KCNIP1: variants seen among roughly 807,000 people sequenced by gnomAD.
KCNIP1 encodes potassium voltage-gated channel interacting protein 1.
Under a neutral mutation model 33.0 loss-of-function variants are expected in KCNIP1, and 18 were observed. That is an observed-to-expected ratio of 0.55 (90% CI 0.38 to 0.81). KCNIP1 has a LOEUF of 0.81. KCNIP1 is among the 30% of genes least tolerant of loss of function. The pLI, the probability that KCNIP1 is intolerant of heterozygous loss-of-function variation, is 0.00. For synonymous variants in KCNIP1, 93 were observed against 98.3 expected (o/e 0.95, Z 0.32); for missense variants, 238 against 271.6 (o/e 0.88, Z 0.87).
intron 1 of KCNIP1, among the ~76,000 whole-genome samples, chr5:170,709,555 G>C (rs181795501): frequency 1.3e-5 from 2 of 151,968 alleles, no homozygotes; most frequent in Admixed American, 6.6e-5. Flanking sequence ...ATTTAATCAG[G>C]GTTTGGTTTA....
chr5:170,452,285 G>A (rs527370304), intron 1 of KCNIP1, among the ~76,000 whole-genome samples: 2 of 152,288 alleles, frequency 1.3e-5, no homozygotes, highest in South Asian at 2.1e-4. Context: ...CTCCTTCTTC[G>A]AAAACTCAGA....
intron 1 of KCNIP1, among the ~76,000 whole-genome samples, chr5:170,365,643 C>T (rs1236507911): frequency 6.6e-6 from 1 of 152,216 alleles, no homozygotes; most frequent in Admixed American, 6.5e-5. Context: ...GCTGCAGACG[C>T]AGCTGGCTTC....
At chr5:170,500,740 ATGTG>A (rs1758713611), upstream of KCNIP1, among the ~76,000 whole-genome samples, 1 of 152,120 alleles carries the variant, frequency 6.6e-6, no homozygotes, top group Non-Finnish European at 1.5e-5. Flanking sequence ...GCACGTGCGT[ATGTG>A]TGTGTATTTA....
chr5:170,526,957 A>G (rs915160237), intron 1 of KCNIP1, among the ~76,000 whole-genome samples: 2 of 152,046 alleles, frequency 1.3e-5, no homozygotes, highest in African/African-American at 4.8e-5. Context: ...TCCTGACCTC[A>G]GGTGATCTGC....
Position 170,718,678 on chromosome 5 carries a change from T to C in KCNIP1, c.62-80T>C. 2.5e-6 allele frequency: 4 copies of C among 1,568,730 alleles called. 1 individual carries two copies. The South Asian group carries it at 4.6e-5, about 18-fold the overall frequency. On this transcript the variant is annotated intron_variant, in intron 1 of 7. Transcript: ENST00000328939. The stretch of plus-strand genomic sequence containing the variant: ...CCTAGATCCCAGGTCGTGACACCAC[T>C]CTTTTGACAGCCCAGATTGTTACCT...
chr5:170,412,313 G>C (rs1458066808), intron 1 of KCNIP1, among the ~76,000 whole-genome samples: 1 of 152,136 alleles, frequency 6.6e-6, no homozygotes, highest in Non-Finnish European at 1.5e-5. Flanking sequence ...GAAAAGATGG[G>C]AGAAGCCTTG....
chr5:170,390,517 A>AAAAAAAAAAAAAT, intron 1 of KCNIP1, among the ~76,000 whole-genome samples: 4 of 74,536 alleles, frequency 5.4e-5, no homozygotes, highest in Admixed American at 1.5e-4. Flanking sequence ...AAAAAAAACA[A>AAAAAAAAAAAAAT]ATATATATAT....
chr5:170,723,038 A>C (rs1161217120), intron 5 of KCNIP1, among the ~76,000 whole-genome samples: 2 of 152,162 alleles, frequency 1.3e-5, no homozygotes, highest in Non-Finnish European at 2.9e-5. Context: ...ATTCATTCTC[A>C]CTGGGTCACC....
chr5:170,525,334 T>G (rs1349595357), intron 1 of KCNIP1, among the ~76,000 whole-genome samples: 1 of 152,192 alleles, frequency 6.6e-6, no homozygotes, highest in Non-Finnish European at 1.5e-5. Context: ...CTTCTGTAAA[T>G]GGAAGATCAT....
chr5:170,655,293 G>A (rs1228852765), intron 1 of KCNIP1, among the ~76,000 whole-genome samples: 1 of 152,136 alleles, frequency 6.6e-6, no homozygotes, highest in Non-Finnish European at 1.5e-5. Context: ...AAAAATGACA[G>A]ATTTTCAATG....
At chr5:170,635,442 AG>A (rs1447630077) in intron 1 of KCNIP1, among the ~76,000 whole-genome samples, 3 of 152,176 alleles carry the variant, frequency 2.0e-5, no homozygotes, top group African/African-American at 7.2e-5. Flanking sequence ...TGTCCAAGGT[AG>A]CTCTCCACCC....
At chr5:170,379,084 G>C in intron 1 of KCNIP1, 4 of 1,312,668 alleles carry the variant, frequency 3.0e-6, no homozygotes, top group Non-Finnish European at 4.1e-6. Flanking sequence ...CCCTGGATTG[G>C]AGTCGGGGCT....
At chr5:170,667,748 G>A (rs977503951) in intron 1 of KCNIP1, among the ~76,000 whole-genome samples, 1 of 152,248 alleles carries the variant, frequency 6.6e-6, no homozygotes, top group African/African-American at 2.4e-5. Flanking sequence ...CCATAAGGTT[G>A]CTGGGGATGC....
intron 1 of KCNIP1, chr5:170,377,582 T>TG (rs5873225): frequency 1.4e-5 from 1 of 70,422 alleles, no homozygotes; most frequent in Non-Finnish European, 3.0e-5. Context: ...TTGTTTTTTG[T>TG]TTTTTTTTTG....
intron 1 of KCNIP1, among the ~76,000 whole-genome samples, chr5:170,478,918 A>AG (rs1173358073): frequency 5.3e-5 from 8 of 152,186 alleles, no homozygotes; most frequent in Non-Finnish European, 1.2e-4. Flanking sequence ...ATAAAAAAAA[A>AG]AAAGGTTGGC....
At chr5:170,675,635 T>A (rs1762105683) in intron 1 of KCNIP1, among the ~76,000 whole-genome samples, 1 of 152,108 alleles carries the variant, frequency 6.6e-6, no homozygotes, top group Non-Finnish European at 1.5e-5. Flanking sequence ...TAAAATAAAT[T>A]GCTCTGTAAG....
chr5:170,384,149 G>A (rs1764372182), intron 1 of KCNIP1, among the ~76,000 whole-genome samples: 2 of 152,200 alleles, frequency 1.3e-5, no homozygotes, highest in African/African-American at 4.8e-5. Context: ...CTACACCCCA[G>A]AGCAAGTGAA....
At chr5:170,575,308 A>G (rs1374330933) in intron 1 of KCNIP1, among the ~76,000 whole-genome samples, 1 of 152,238 alleles carries the variant, frequency 6.6e-6, no homozygotes. Context: ...ATTATGGTAA[A>G]GTCAACACTT....
At chr5:170,631,141 A>T (rs919607363) in intron 1 of KCNIP1, among the ~76,000 whole-genome samples, 1 of 152,112 alleles carries the variant, frequency 6.6e-6, no homozygotes, top group Non-Finnish European at 1.5e-5. Flanking sequence ...TCACAAAACA[A>T]TGGCTGCGAA....
Sources: gnomAD v4.1 joint callset for allele counts (sites outside exome capture counted in the v4.1 genomes callset) on GRCh38, gnomAD v4.1.1 for gene constraint, MANE v1.5 for transcripts, NCBI Gene and HGNC (gene_info 2026-07-23, HGNC 2026-07-21) for gene names.